SPRY3: variants seen among roughly 807,000 people sequenced by gnomAD.
SPRY3 encodes sprouty RTK signaling antagonist 3, also known as protein sprouty homolog 3.
Under a neutral mutation model 20.2 loss-of-function variants are expected in SPRY3, and 15 were observed. The ratio of observed to expected loss-of-function variants is 0.74; its 90% CI spans 0.50 to 1.14. The LOEUF (loss-of-function observed/expected upper bound fraction) is 1.14. SPRY3 is among the 50% of genes most tolerant of loss of function. The pLI is 0.00. For missense variants in SPRY3, 364 were observed against 363.9 expected (o/e 1.00, Z 0.00); for synonymous variants, 143 against 136.5 (o/e 1.05, Z -0.33).
At chrX:155,691,466 T>C (rs58486544) in intron 2 of SPRY3, among the ~76,000 whole-genome samples, 17,112 of 87,336 alleles carry the variant, frequency 0.2, 5,158 homozygotes, top group African/African-American at 0.69. Context: ...CTGAAATAGA[T>C]GATTCTGATG....
At chrX:155,692,599 C>T (rs997900845) in intron 2 of SPRY3, among the ~76,000 whole-genome samples, 4 of 111,563 alleles carry the variant, frequency 3.6e-5, no homozygotes, top group Non-Finnish European at 5.7e-5. Flanking sequence ...ATTGTTATCG[C>T]ATTAAATCTA....
At chrX:155,747,807 A>C (rs2091236288) in intron 2 of SPRY3, among the ~76,000 whole-genome samples, 1 of 151,932 alleles carries the variant, frequency 6.6e-6, no homozygotes, top group Admixed American at 6.6e-5. Flanking sequence ...ACTCTAGAGC[A>C]GTGCTTCTCA....
At position 155,622,179 on chromosome X, in the gene SPRY3, T is replaced by C. The variant is rs782087459; in HGVS notation, c.-441+9532T>C. On this transcript the variant is annotated intron_variant, in intron 1 of 3. Coordinates refer to ENST00000675360, the Ensembl canonical transcript of SPRY3. The stretch of plus-strand genomic sequence containing the variant: ...CAGACTGTTGGGGCTATAAAATATA[T>C]GTGATGCAAAGTATAGTAACTTTCA... 1.5e-4 allele frequency among the ~76,000 whole-genome samples: 17 copies of C among 112,241 alleles called. No individual in the cohort carries two copies. The South Asian group carries it at 4.8e-3, about 32-fold the overall frequency.
chrX:155,616,134 T>TCTCTCTCTCTCTCTC (rs1557348873), intron 1 of SPRY3, among the ~76,000 whole-genome samples: 3,723 of 57,839 alleles, frequency 0.064, 477 homozygotes, highest in Non-Finnish European at 0.12. Flanking sequence ...CTCTCTCCTC[T>TCTCTCTCTCTCTCTC]CTCTCTCTCT....
At chrX:155,718,020 C>G (rs2091033931) in intron 2 of SPRY3, among the ~76,000 whole-genome samples, 2 of 152,154 alleles carry the variant, frequency 1.3e-5, no homozygotes, top group African/African-American at 4.8e-5. Flanking sequence ...GCTGATTGAG[C>G]TGAATGGGAG....
At chrX:155,763,634 A>G (rs2091313121) in intron 2 of SPRY3, among the ~76,000 whole-genome samples, 1 of 152,184 alleles carries the variant, frequency 6.6e-6, no homozygotes, top group Admixed American at 6.5e-5. Context: ...TACATAAGAC[A>G]GTTTGAATGT....
chrX:155,714,880 TCTGCCAGC>T (rs2091011202), intron 2 of SPRY3, among the ~76,000 whole-genome samples: 1 of 152,054 alleles, frequency 6.6e-6, no homozygotes, highest in South Asian at 2.1e-4. Context: ...CACGGGGGAT[TCTGCCAGC>T]CCACCACCAA....
At chrX:155,723,751 G>A (rs773779661) in intron 2 of SPRY3, among the ~76,000 whole-genome samples, 131 of 152,172 alleles carry the variant, frequency 8.6e-4, no homozygotes, top group Middle Eastern at 3.4e-3. Flanking sequence ...CACTCTAATA[G>A]TAGTTTCTTT....
intron 1 of SPRY3, among the ~76,000 whole-genome samples, chrX:155,629,432 G>A (rs1328095306): frequency 3.6e-5 from 4 of 110,821 alleles, no homozygotes; most frequent in Non-Finnish European, 7.6e-5. Context: ...TTGGTTCCAC[G>A]TCTTTGCTAT....
At chrX:155,774,456 C>G (rs758974533) in exon 4 of SPRY3, 18 of 1,614,036 alleles carry the variant, frequency 1.1e-5, no homozygotes, top group Non-Finnish European at 1.2e-5. Flanking sequence ...AGGGCCTCTT[C>G]TACCACTGCT....
chrX:155,618,731 G>T (rs1291679129), intron 1 of SPRY3, among the ~76,000 whole-genome samples: 1 of 111,043 alleles, frequency 9.0e-6, no homozygotes, highest in African/African-American at 3.3e-5. Flanking sequence ...TTTATGTCAG[G>T]TATTCTGACA....
intron 2 of SPRY3, among the ~76,000 whole-genome samples, chrX:155,766,264 A>G (rs1412573303): frequency 6.6e-6 from 1 of 152,096 alleles, no homozygotes; most frequent in Non-Finnish European, 1.5e-5. Context: ...TTTAAATCTC[A>G]TTATTTCTTT....
intron 2 of SPRY3, among the ~76,000 whole-genome samples, chrX:155,673,110 T>G: frequency 1.1e-5 from 1 of 92,999 alleles, no homozygotes; most frequent in South Asian, 6.6e-4. Flanking sequence ...ATATACCTAA[T>G]GCTAAATGAC....
intron 2 of SPRY3, among the ~76,000 whole-genome samples, chrX:155,728,666 A>T (rs2091115060): frequency 6.6e-6 from 1 of 152,198 alleles, no homozygotes; most frequent in African/African-American, 2.4e-5. Flanking sequence ...GACCATGGGA[A>T]AAGCACAGTA....
intron 2 of SPRY3, among the ~76,000 whole-genome samples, chrX:155,722,382 G>A (rs2091065304): frequency 6.6e-6 from 1 of 152,190 alleles, no homozygotes; most frequent in African/African-American, 2.4e-5. Context: ...TTAACTGGGT[G>A]TGGTGGCACA....
At chrX:155,736,932 C>T (rs1245549925) in intron 2 of SPRY3, among the ~76,000 whole-genome samples, 1 of 152,042 alleles carries the variant, frequency 6.6e-6, no homozygotes, top group African/African-American at 2.4e-5. Flanking sequence ...ATTGCCATAT[C>T]TTCAGTTTCA....
At chrX:155,767,719 AAAGAGGAGGAGG>A (rs2091345414) in intron 2 of SPRY3, 1 of 83,114 alleles carries the variant, frequency 1.2e-5, no homozygotes, top group Non-Finnish European at 2.2e-5. Context: ...GGAGGAGGAG[AAAGAGGAGGAGG>A]AGGAGAGAGA....
chrX:155,616,118 C>T (rs1316096171), intron 1 of SPRY3, among the ~76,000 whole-genome samples: 11 of 50,801 alleles, frequency 2.2e-4, no homozygotes, highest in African/African-American at 5.2e-4. Context: ...CTCTCTCTCT[C>T]TCTCTCTCTC....
chrX:155,774,062 G>C lies in SPRY3; in HGVS notation c.191G>C (p.Arg64Pro). The stretch of plus-strand genomic sequence containing the variant: ...GCTACCATGCCTACTTCTCTCCCCC[G>C]CAGTCTCAGCCAGTGCCATCAACTG... The change falls in exon 4 of 4, where the codon CGC (arginine) becomes CCC (proline). Residue 64 changes from arginine to proline, a missense_variant. Arg to Pro is a moderately radical substitution (Grantham distance 103, BLOSUM62 -2). Coordinates refer to ENST00000675360, the Ensembl canonical transcript of SPRY3. The C allele has an allele frequency of 3.7e-6, 6 of 1,613,796 alleles. No individual in the cohort carries two copies. In the South Asian group the frequency reaches 4.4e-5, roughly 12 times the overall value.
Sources: allele counts gnomAD v4.1 joint callset (sites outside exome capture counted in the v4.1 genomes callset), GRCh38; gene constraint gnomAD v4.1.1; transcripts MANE v1.5; gene names NCBI Gene and HGNC (gene_info 2026-07-23, HGNC 2026-07-21).